The following CACNA2D3 variants were observed in gnomAD, a reference collection of about 807,000 sequenced individuals.
CACNA2D3 encodes the protein voltage-dependent calcium channel subunit alpha-2/delta-3.
In CACNA2D3, 60 loss-of-function variants were observed where a neutral mutation model predicts 160.6. The observed-to-expected ratio is 0.37, with a 90% CI of 0.30 to 0.46. The LOEUF (loss-of-function observed/expected upper bound fraction) is 0.46, where lower values mean the gene tolerates loss of function less well. Among genes scored for constraint, CACNA2D3 ranks in the 20% least tolerant of loss-of-function variants. The pLI, the probability that CACNA2D3 is intolerant of heterozygous loss-of-function variation, is 1.00. For missense variants in CACNA2D3, 1,205 were observed against 1,365.0 expected (o/e 0.88, Z 1.85); for synonymous variants, 558 against 492.9 (o/e 1.13, Z -1.75).
intron 11 of CACNA2D3, among the ~76,000 whole-genome samples, chr3:54,687,670 C>G (rs1026091912): frequency 9.2e-5 from 14 of 152,142 alleles, no homozygotes; most frequent in African/African-American, 2.7e-4. Flanking sequence ...AGACACAACA[C>G]TGAACAGAGA....
At chr3:54,237,546 A>G (rs898678389) in intron 2 of CACNA2D3, among the ~76,000 whole-genome samples, 7 of 152,212 alleles carry the variant, frequency 4.6e-5, no homozygotes, top group Non-Finnish European at 1.0e-4. Context: ...GTAAAGATTA[A>G]TCTTCACCCA....
intron 29 of CACNA2D3, among the ~76,000 whole-genome samples, chr3:54,981,376 A>G: frequency 6.6e-6 from 1 of 152,196 alleles, no homozygotes; most frequent in Admixed American, 6.5e-5. Context: ...AGCCTCACAA[A>G]TCCTTTTTCC....
intron 17 of CACNA2D3, among the ~76,000 whole-genome samples, chr3:54,846,923 A>C (rs1406868493): frequency 6.6e-6 from 1 of 152,246 alleles, no homozygotes; most frequent in Non-Finnish European, 1.5e-5. Flanking sequence ...ACATTACTTA[A>C]GCCCAGTGTC....
chr3:54,909,735 A>G (rs1432144428), intron 27 of CACNA2D3, among the ~76,000 whole-genome samples: 1 of 151,570 alleles, frequency 6.6e-6, no homozygotes, highest in Admixed American at 6.6e-5. Flanking sequence ...GGGCCCTGCA[A>G]CATTTACAAG....
chr3:54,827,875 G>T (rs1035073980), intron 14 of CACNA2D3, among the ~76,000 whole-genome samples: 71 of 152,208 alleles, frequency 4.7e-4, no homozygotes, highest in Admixed American at 4.0e-3. Flanking sequence ...GCTAAATGCC[G>T]TGGATGAAAA....
At chr3:55,008,878 C>T (rs1455631247) in intron 33 of CACNA2D3, among the ~76,000 whole-genome samples, 1 of 135,028 alleles carries the variant, frequency 7.4e-6, no homozygotes, top group Non-Finnish European at 1.5e-5. Context: ...GTCTGTTCCA[C>T]CTCCCTCTAT....
intron 11 of CACNA2D3, among the ~76,000 whole-genome samples, chr3:54,647,119 G>GA (rs1699666966): frequency 6.6e-6 from 1 of 152,204 alleles, no homozygotes; most frequent in Admixed American, 6.5e-5. Context: ...CAAGCCTGCA[G>GA]ATGAAAACAC....
intron 2 of CACNA2D3, among the ~76,000 whole-genome samples, chr3:54,296,405 C>G (rs1422799329): frequency 6.6e-6 from 1 of 152,220 alleles, no homozygotes; most frequent in Non-Finnish European, 1.5e-5. Flanking sequence ...GCTTCCATCA[C>G]ATAGACCCAG....
At chr3:54,175,761 G>C (rs1700667907) in intron 2 of CACNA2D3, among the ~76,000 whole-genome samples, 1 of 152,148 alleles carries the variant, frequency 6.6e-6, no homozygotes, top group Non-Finnish European at 1.5e-5. Flanking sequence ...TGAGGTTACA[G>C]AAAGAATAGG....
At chr3:54,539,997 A>G (rs1206097383) in intron 5 of CACNA2D3, among the ~76,000 whole-genome samples, 1 of 152,170 alleles carries the variant, frequency 6.6e-6, no homozygotes, top group Non-Finnish European at 1.5e-5. Context: ...GAGTGAAATA[A>G]TCACCAACTC....
intron 12 of CACNA2D3, among the ~76,000 whole-genome samples, chr3:54,762,855 G>A (rs1329112060): frequency 6.6e-6 from 1 of 152,206 alleles, no homozygotes; most frequent in Non-Finnish European, 1.5e-5. Flanking sequence ...ACTTTGGGAG[G>A]CCGAGGCAGG....
intron 10 of CACNA2D3, among the ~76,000 whole-genome samples, chr3:54,631,018 A>G (rs1402198765): frequency 6.6e-6 from 1 of 152,180 alleles, no homozygotes; most frequent in Non-Finnish European, 1.5e-5. Flanking sequence ...CCTGACCAAC[A>G]TGGTGAAATC....
At chr3:54,832,122 C>T (rs553053760) in intron 14 of CACNA2D3, among the ~76,000 whole-genome samples, 5 of 152,058 alleles carry the variant, frequency 3.3e-5, no homozygotes, top group African/African-American at 9.6e-5. Flanking sequence ...CAAGGGGACA[C>T]GGCTGTCAAG....
At position 55,033,851 on chromosome 3, in the gene CACNA2D3, TTAAATATATTTAATATATAA is replaced by T. The variant is rs1703752216; in HGVS notation, c.2987+15537_2987+15556del. Among the ~76,000 whole-genome samples the T allele has an allele frequency of 4.3e-5, 4 of 91,974 alleles. No homozygotes were observed. In the South Asian group the frequency reaches 1.2e-3, roughly 27 times the overall value. The allele number at this position is 91,974 out of a possible 152,430, so 60.3% of individuals were successfully genotyped here. On this transcript the variant is annotated intron_variant, in intron 35 of 37. Coordinates refer to ENST00000474759, the MANE Select transcript of CACNA2D3 (RefSeq NM_018398.3). ...TTTAATATATAATATATATTACATA[TTAAATATATTTAATATATAA>T]TATATATTACATATTAAGTATATTT...
Position 55,074,373 on chromosome 3 carries a change from T to C in CACNA2D3, c.*167T>C, listed in dbSNP as rs191950513. The stretch of plus-strand genomic sequence containing the variant: ...TGCGTGATATAAACTCTTAAAGATA[T>C]GTTGACAAAAAGTTATCTATCATCT... On this transcript the variant is annotated 3_prime_UTR_variant, in exon 38 of 38. Coordinates refer to ENST00000474759, the MANE Select transcript of CACNA2D3 (RefSeq NM_018398.3). 1,521 of 598,862 alleles carry C rather than the reference T, an allele frequency of 2.5e-3. 6 individuals are homozygous for C. The highest frequency in any genetic ancestry group is 7.2e-3 in the South Asian group (347 of 48,526). 37.1% of individuals were successfully genotyped at this position (598,862 alleles called of 1,614,324 possible).
chr3:54,293,022 A>G (rs6804982), intron 2 of CACNA2D3, among the ~76,000 whole-genome samples: 32,967 of 152,098 alleles, frequency 0.22, 3,777 homozygotes, highest in South Asian at 0.34. Context: ...CATACATGCT[A>G]CAACATGGAT....
At chr3:54,925,513 GA>G (rs749448487) in intron 27 of CACNA2D3, among the ~76,000 whole-genome samples, 83 of 152,122 alleles carry the variant, frequency 5.5e-4, no homozygotes, top group African/African-American at 1.6e-3. Flanking sequence ...ATAGAAGGGT[GA>G]AAAAAAATAT....
intron 2 of CACNA2D3, among the ~76,000 whole-genome samples, chr3:54,274,304 A>G (rs147206185): frequency 1.3e-5 from 2 of 152,210 alleles, no homozygotes; most frequent in African/African-American, 4.8e-5. Context: ...ATTCTGATTC[A>G]TTCTTATAGA....
At chr3:55,024,407 A>G (rs556957523) in intron 35 of CACNA2D3, among the ~76,000 whole-genome samples, 2 of 152,172 alleles carry the variant, frequency 1.3e-5, no homozygotes, top group East Asian at 1.9e-4. Flanking sequence ...CCCAAAATCT[A>G]CTTGTTGGAA....
Sources: gnomAD v4.1 joint callset for allele counts (sites outside exome capture counted in the v4.1 genomes callset) on GRCh38, gnomAD v4.1.1 for gene constraint, MANE v1.5 for transcripts, NCBI Gene and HGNC (gene_info 2026-07-23, HGNC 2026-07-21) for gene names.